The following CHD3 variants were observed in gnomAD, a reference collection of about 807,000 sequenced individuals.
CHD3 encodes the protein ATP-dependent chromatin remodeler CHD3.
Under a neutral mutation model 248.9 loss-of-function variants are expected in CHD3, and 52 were observed. That is an observed-to-expected ratio of 0.21 (90% confidence interval 0.17 to 0.26). The LOEUF (loss-of-function observed/expected upper bound fraction) is 0.26. Ranked by LOEUF, CHD3 falls within the 10% of genes least tolerant of loss-of-function variation. The pLI is 1.00. For synonymous variants in CHD3, 985 were observed against 985.2 expected (o/e 1.00, Z 0.00); for missense variants, 1,482 against 2,605.8 (o/e 0.57, Z 9.39).
In CHD3 at chr17:7,905,270, T is replaced by G; in HGVS notation, c.4138+105T>G. ...AAGTAAAAAAGTCTTCGTGTGTGTGTGGAAAAACTCGATTGCAGATGAGCA... is the reference window on the plus strand; with the variant it reads ...AAGTAAAAAAGTCTTCGTGTGTGTGGGGAAAAACTCGATTGCAGATGAGCA... On this transcript the variant is annotated intron_variant, in intron 26 of 39. Transcript: ENST00000330494. The surrounding 1 kb of genome is among the most constrained non-coding windows in gnomAD (Gnocchi z 5.8). 3 of 1,061,908 alleles carry G rather than the reference T, an allele frequency of 2.8e-6. No homozygotes were observed. The highest frequency in any genetic ancestry group is 2.9e-6 in the Non-Finnish European group (2 of 689,450). 65.8% of individuals were successfully genotyped at this position (1,061,908 alleles called of 1,614,324 possible). A position where few individuals can be genotyped will look rare whatever the true frequency, so the allele number is the denominator to read the frequency against.
chr17:7,887,725 A>G (rs1400830296), upstream of CHD3, among the ~76,000 whole-genome samples: 2 of 152,094 alleles, frequency 1.3e-5, no homozygotes, highest in African/African-American at 2.4e-5. Context: ...TCGGGCGGCC[A>G]GGCTCCGCCC....
chr17:7,901,457 C>T lies in CHD3; in HGVS notation c.3252+82C>T, dbSNP rs1312455169. ...CCAGACTTTAATTTCTTACGGTCTT[C>T]CTGTGGCTGCTCTGGTGTGACAAAT... is the stretch of plus-strand genomic sequence containing the variant. On this transcript the variant is annotated intron_variant, in intron 20 of 39. Transcript: ENST00000330494. The T allele has an allele frequency of 4.8e-6, 6 of 1,261,212 alleles. No homozygotes were observed. In the African/African-American group the frequency reaches 7.6e-5, roughly 16 times the overall value. The allele number at this position is 1,261,212 out of a possible 1,614,324, so 78.1% of individuals were successfully genotyped here.
chr17:7,894,103 G>A lies in CHD3; in HGVS notation c.925-12G>A, dbSNP rs780115167. The A allele has an allele frequency of 2.5e-6, 4 of 1,610,110 alleles. No homozygotes were observed. The South Asian group carries it at 3.3e-5, about 13-fold the overall frequency. Reference sequence around the variant, plus strand: ...AAGTCTGCCTCACTGACGGCCACGGGGCTATGGGCAGTATGTTTTTCAGAG... The same window carrying A: ...AAGTCTGCCTCACTGACGGCCACGGAGCTATGGGCAGTATGTTTTTCAGAG... On this transcript the variant is annotated splice_polypyrimidine_tract_variant and intron_variant, in intron 6 of 39. Coordinates refer to ENST00000330494, the MANE Select transcript of CHD3 (RefSeq NM_001005273.3).
In CHD3 at chr17:7,903,832, C is replaced by G. The variant is rs1297895876; in HGVS notation, c.3735C>G (p.Asn1245Lys). ...TGTTTTCCCTCTCACCAGGGGAGAACAAGGAGGAGGACAGCAGTGTGATTC... is the reference window on the plus strand; with the variant it reads ...TGTTTTCCCTCTCACCAGGGGAGAAGAAGGAGGAGGACAGCAGTGTGATTC... ...ELFKDENEGE[N>K]KEEDSSVIHY... Residue 1245 changes from asparagine to lysine, a missense_variant, in exon 24 of 40, where the codon AAC (asparagine) becomes AAG (lysine). By Grantham distance (94) the Asn-to-Lys change is moderately conservative. Around this residue, in one of 20 missense-constraint regions of CHD3, gnomAD observed 156 missense variants for 420.3 expected, o/e 0.37. Coordinates refer to ENST00000330494, the MANE Select transcript of CHD3 (RefSeq NM_001005273.3). This position sits in a 1 kb window ranked among gnomAD's most constrained non-coding sequence, Gnocchi z 6.8. The G allele has an allele frequency of 6.2e-7, 1 of 1,613,930 alleles. No individual in the cohort carries two copies. The highest frequency in any genetic ancestry group is 8.5e-7 in the Non-Finnish European group (1 of 1,179,980).
At chr17:7,887,165 T>G (rs2151431415), upstream of CHD3, among the ~76,000 whole-genome samples, 1 of 152,198 alleles carries the variant, frequency 6.6e-6, no homozygotes, top group South Asian at 2.1e-4. Context: ...TCTAAGGAAA[T>G]TTGTTCAGGC....
In CHD3 at chr17:7,889,618, C is replaced by T. The variant is rs1407925991; in HGVS notation, c.101-46C>T. On this transcript the variant is annotated intron_variant, in intron 1 of 39. Transcript: ENST00000330494. The surrounding 1 kb of genome is among the most constrained non-coding windows in gnomAD (Gnocchi z 4.5). ...GGGGCAAGTTGAGGGGCCTCAGAGG[C>T]TGGAAACCTAGAGGCTTAGGTTTTC... 4 of 1,546,362 alleles carry T rather than the reference C, an allele frequency of 2.6e-6. No individual in the cohort carries two copies. Among genetic ancestry groups the T allele is most frequent in the Non-Finnish European group, 3.5e-6 (4 of 1,134,826 alleles).
Position 7,909,530 on chromosome 17 carries a change from C to T in CHD3, c.5590+192C>T. 1.3e-6 allele frequency: 1 copy of T among 767,028 alleles called. No individual in the cohort carries two copies. The highest frequency in any genetic ancestry group is 3.9e-4 in the Middle Eastern group (1 of 2,590). The allele number at this position is 767,028 out of a possible 1,614,324, so 47.5% of individuals were successfully genotyped here. A position where few individuals can be genotyped will look rare whatever the true frequency, so the allele number is the denominator to read the frequency against. On this transcript the variant is annotated intron_variant, in intron 37 of 39. Coordinates refer to ENST00000330494, the MANE Select transcript of CHD3 (RefSeq NM_001005273.3). This position sits in a 1 kb window ranked among gnomAD's most constrained non-coding sequence, Gnocchi z 8.1. ...CCTCTAGGACTTGTGCAAGCCAACCCTCATCCATGTCTGATAGCATTCACA... is the reference window on the plus strand; with the variant it reads ...CCTCTAGGACTTGTGCAAGCCAACCTTCATCCATGTCTGATAGCATTCACA...
At position 7,899,809 on chromosome 17, in the gene CHD3, C is replaced by G. The variant is rs1298055732; in HGVS notation, c.2545-87C>G. The G allele has an allele frequency of 7.9e-6, 12 of 1,513,582 alleles. No homozygotes were observed. Among genetic ancestry groups the G allele is most frequent in the Non-Finnish European group, 8.1e-6 (9 of 1,108,490 alleles). 93.8% of individuals were successfully genotyped at this position (1,513,582 alleles called of 1,614,324 possible). On this transcript the variant is annotated intron_variant, in intron 15 of 39. Coordinates refer to ENST00000330494, the MANE Select transcript of CHD3 (RefSeq NM_001005273.3). The surrounding 1 kb of genome is among the most constrained non-coding windows in gnomAD (Gnocchi z 6.8). ...ACAGAGTAATGGCTCCTGTTGGGAGCCACAGTCAGGACAAGGTGTCTGGTT... is the reference window on the plus strand; with the variant it reads ...ACAGAGTAATGGCTCCTGTTGGGAGGCACAGTCAGGACAAGGTGTCTGGTT...
rs1970456040 is a variant in CHD3, at chr17:7,902,689, C to T, written c.3332C>T (p.Thr1111Met). Residue 1111 changes from threonine to methionine, a missense_variant, in exon 21 of 40, where the codon ACG (threonine) becomes ATG (methionine). This residue lies in a region of CHD3 where 18 missense variants were observed against 45.2 expected (regional missense o/e 0.40). Coordinates refer to ENST00000330494, the MANE Select transcript of CHD3 (RefSeq NM_001005273.3). Reference sequence around the variant, plus strand: ...TATGAGCGCATCGATGGTGGTATCACGGGTGCCCTGAGGCAGGAGGCCATC... The same window carrying T: ...TATGAGCGCATCGATGGTGGTATCATGGGTGCCCTGAGGCAGGAGGCCATC... Reference protein sequence around the residue: ...YKYERIDGGITGALRQEAIDR... With the variant: ...YKYERIDGGIMGALRQEAIDR... The T allele has an allele frequency of 2.5e-6, 4 of 1,613,964 alleles. No individual in the cohort carries two copies. Among genetic ancestry groups the T allele is most frequent in the Admixed American group, 1.7e-5 (1 of 60,020 alleles).
upstream of CHD3, among the ~76,000 whole-genome samples, chr17:7,886,845 A>G (rs1416854127): frequency 6.6e-6 from 1 of 151,926 alleles, no homozygotes; most frequent in African/African-American, 2.4e-5. This position sits in a 1 kb window ranked among gnomAD's most constrained non-coding sequence, Gnocchi z 4.2. Flanking sequence ...GGATCTGGGT[A>G]CGTTGGGGAG....
intron 4 of CHD3, among the ~76,000 whole-genome samples, chr17:7,892,784 T>C (rs141057316): frequency 0.061 from 9,300 of 152,212 alleles, 590 homozygotes; most frequent in African/African-American, 0.15. Context: ...CGTGAGCCAC[T>C]GCGCCCAGCC....
At position 7,910,679 on chromosome 17, in the gene CHD3, A is replaced by G; in HGVS notation, c.5754+88A>G. ...CACTTCCATCAGAATCCTATACAAT[A>G]TGGAAAAACAACTTGCTAGAACACA... is the stretch of plus-strand genomic sequence containing the variant. On this transcript the variant is annotated intron_variant, in intron 38 of 39. Transcript: ENST00000330494. This position sits in a 1 kb window ranked among gnomAD's most constrained non-coding sequence, Gnocchi z 4.7. 6.6e-7 allele frequency: 1 copy of G among 1,524,916 alleles called. No homozygotes were observed. The highest frequency in any genetic ancestry group is 8.8e-7 in the Non-Finnish European group (1 of 1,134,258). The allele number at this position is 1,524,916 out of a possible 1,614,324, so 94.5% of individuals were successfully genotyped here. A position where few individuals can be genotyped will look rare whatever the true frequency, so the allele number is the denominator to read the frequency against.
rs1969561284 is a variant in CHD3, at chr17:7,895,811, T to C, written c.1707+269T>C. The stretch of plus-strand genomic sequence containing the variant: ...TCCTTATCTGTCTTTTTCCATGTTT[T>C]ATAATATTCCTGGCTGGGCATGGTG... On this transcript the variant is annotated intron_variant, in intron 10 of 39. Coordinates refer to ENST00000330494, the MANE Select transcript of CHD3 (RefSeq NM_001005273.3). The surrounding 1 kb of genome is among the most constrained non-coding windows in gnomAD (Gnocchi z 4.9). Among the ~76,000 whole-genome samples the C allele has an allele frequency of 6.6e-6, 1 of 152,160 alleles. No homozygotes were observed.
chr17:7,907,373 C>G lies in CHD3; in HGVS notation c.4809C>G (p.Ala1603=), dbSNP rs968420725. The change falls in exon 32 of 40, where the codon GCC becomes GCG. Residue 1603 remains alanine, a synonymous_variant. Coordinates refer to ENST00000330494, the MANE Select transcript of CHD3 (RefSeq NM_001005273.3). This position sits in a 1 kb window ranked among gnomAD's most constrained non-coding sequence, Gnocchi z 4.3. ...TCCAGGCTGATGCCCCCAGCCCAGC[C>G]CCATCACTTGGGGAGCGGCTGGAGC... ...METEADAPSP[A]PSLGERLEPR... 23 of 1,606,582 alleles carry G rather than the reference C, an allele frequency of 1.4e-5. No homozygotes were observed. The highest frequency in any genetic ancestry group is 1.9e-5 in the Non-Finnish European group (22 of 1,176,236).
Position 7,906,357 on chromosome 17 carries a change from C to T in CHD3, c.4359-196C>T. On this transcript the variant is annotated intron_variant, in intron 28 of 39. Coordinates refer to ENST00000330494, the MANE Select transcript of CHD3 (RefSeq NM_001005273.3). This position sits in a 1 kb window ranked among gnomAD's most constrained non-coding sequence, Gnocchi z 5.0. ...TAAGTACCAAGGCCAAAGGGAAAGA[C>T]CCAGGGGTGGGGCGCAGGGGGACAG... 23 of 686,378 alleles carry T rather than the reference C, an allele frequency of 3.4e-5. No homozygotes were observed. The South Asian group carries it at 3.7e-4, about 11-fold the overall frequency. 42.5% of individuals were successfully genotyped at this position (686,378 alleles called of 1,614,324 possible).
At position 7,895,344 on chromosome 17, in the gene CHD3, C is replaced by T. The variant is rs267605095; in HGVS notation, c.1509C>T (p.Pro503=). The T allele has an allele frequency of 5.6e-6, 9 of 1,613,954 alleles. No homozygotes were observed. The highest frequency in any genetic ancestry group is 5.0e-5 in the Admixed American group (3 of 59,996). ...GEWLCPRCTC[P]VLKGRVQKIL... ...TGTACGTGTCCATCCCAAAGTGCCC[C>T]GTGCTGAAGGGTCGAGTGCAGAAGA... Residue 503 remains proline, a synonymous_variant, in exon 10 of 40, where the codon CCC becomes CCT. Transcript: ENST00000330494. The surrounding 1 kb of genome is among the most constrained non-coding windows in gnomAD (Gnocchi z 4.9).
rs755284132 is a variant in CHD3 at position 7,894,274 on chromosome 17, T to A, written c.1075+9T>A. ...AAGGAAGAAGAAGAAGGGTAAGGAG[T>A]GTTGACTGTGTGTGATCCTGTCAGT... On this transcript the variant is annotated intron_variant, in intron 7 of 39. Transcript: ENST00000330494. 10 of 1,611,738 alleles carry A rather than the reference T, an allele frequency of 6.2e-6. No homozygotes were observed. The highest frequency in any genetic ancestry group is 8.5e-6 in the Non-Finnish European group (10 of 1,178,958).
At position 7,907,965 on chromosome 17, in the gene CHD3, GA is replaced by G; in HGVS notation, c.5102del (p.Lys1701ArgfsTer88). 1 of 1,612,744 alleles carries G rather than the reference GA, an allele frequency of 6.2e-7. No homozygotes were observed. The highest frequency in any genetic ancestry group is 8.5e-7 in the Non-Finnish European group (1 of 1,178,952). Reference protein sequence around the residue: ...DEPRSNGRREEKTEKPRFMFN... With the variant: ...DEPRSNGRREXKTEKPRFMFN... ...GCCACGGTCCAATGGGCGACGAGAG[GA>G]AAAGACAGAGAAGCCCCGGTTCATG... On this transcript the variant is annotated frameshift_variant, in exon 34 of 40. Coordinates refer to ENST00000330494, the MANE Select transcript of CHD3 (RefSeq NM_001005273.3). LOFTEE classifies it high-confidence loss of function. The surrounding 1 kb of genome is among the most constrained non-coding windows in gnomAD (Gnocchi z 4.3).
Position 7,900,766 on chromosome 17 carries a change from T to G in CHD3, c.2978+35T>G. 1 of 1,609,534 alleles carries G rather than the reference T, an allele frequency of 6.2e-7. No individual in the cohort carries two copies. Among genetic ancestry groups the G allele is most frequent in the East Asian group, 2.2e-5 (1 of 44,766 alleles). Reference sequence around the variant, plus strand: ...AAGACGAGCTGCCTGGAGTAGGGCTTGGGGATTGATGGGAGCGTTCCAAGT... The same window carrying G: ...AAGACGAGCTGCCTGGAGTAGGGCTGGGGGATTGATGGGAGCGTTCCAAGT... On this transcript the variant is annotated intron_variant, in intron 18 of 39. Coordinates refer to ENST00000330494, the MANE Select transcript of CHD3 (RefSeq NM_001005273.3). This position sits in a 1 kb window ranked among gnomAD's most constrained non-coding sequence, Gnocchi z 6.5.
Sources: allele counts gnomAD v4.1 joint callset (sites outside exome capture counted in the v4.1 genomes callset), GRCh38; gene constraint gnomAD v4.1.1; regional missense constraint gnomAD v4.1.1; non-coding constraint Gnocchi (gnomAD v3.1); transcripts MANE v1.5; gene names NCBI Gene and HGNC (gene_info 2026-07-23, HGNC 2026-07-21).